Variants in KCTD14 observed in about 807,000 individuals in gnomAD.
KCTD14 encodes the protein potassium channel tetramerization domain containing 14, also known as BTB/POZ domain-containing protein KCTD14.
A neutral mutation model predicts 5.9 loss-of-function variants in KCTD14; 7 were observed. The ratio of observed to expected loss-of-function variants is 1.19; its 90% confidence interval spans 0.68 to 2.23. The LOEUF (loss-of-function observed/expected upper bound fraction) is 2.23. Ranked by LOEUF, KCTD14 falls within the 30% of genes most tolerant of loss-of-function variation. KCTD14 has a pLI of 0.00. For missense variants in KCTD14, 342 were observed against 332.2 expected (o/e 1.03, Z -0.23); for synonymous variants, 140 against 133.1 (o/e 1.05, Z -0.36).
chr11:78,036,543 A>G (rs1434076867), intron 2 of KCTD14, among the ~76,000 whole-genome samples: 1 of 152,234 alleles, frequency 6.6e-6, no homozygotes, highest in East Asian at 1.9e-4. Flanking sequence ...CAAAACCCAT[A>G]TACATCTGGC....
chr11:78,033,291 G>A lies in KCTD14; in HGVS notation c.-1+5373C>T, dbSNP rs562714993. On this transcript the variant is annotated intron_variant, in intron 2 of 2. Coordinates refer to the KCTD14 transcript ENST00000533144. ...GCAGCCTAAATGTCCATCATTTGGG[G>A]ACTGGTTAAATAAGAATATATCCAT... 7.2e-5 allele frequency among the ~76,000 whole-genome samples: 11 copies of A among 152,278 alleles called. No homozygotes were observed. In the South Asian group the frequency reaches 2.3e-3, roughly 32 times the overall value.
intron 1 of KCTD14, among the ~76,000 whole-genome samples, chr11:78,018,425 G>A (rs958926394): frequency 6.6e-6 from 1 of 151,970 alleles, no homozygotes; most frequent in Non-Finnish European, 1.5e-5. Context: ...TTTAAGTAAA[G>A]GCCGGGCATG....
chr11:78,027,359 C>A (rs1368290479), upstream of KCTD14, among the ~76,000 whole-genome samples: 1 of 136,950 alleles, frequency 7.3e-6, no homozygotes, highest in Non-Finnish European at 1.6e-5. Flanking sequence ...ATAGCAAGAC[C>A]CCATCCCTAT....
At position 78,016,975 on chromosome 11, in the gene KCTD14, A is replaced by G. The variant is rs1210080368; in HGVS notation, c.386T>C (p.Phe129Ser). The G allele has an allele frequency of 9.3e-6, 15 of 1,614,032 alleles. No individual in the cohort carries two copies. The East Asian group carries it at 3.3e-4, about 36-fold the overall frequency. Residue 129 changes from phenylalanine to serine, a missense_variant, in exon 2 of 2, where the codon TTT becomes TCT. Transcript: ENST00000353172. ...VKLLEDMPQI[F>S]GEQVSRKQFL... Reference sequence around the variant, plus strand: ...CTGCTTCCGAGACACCTGCTCACCAAAGATCTGTGGCATGTCCTCCAGCAG... The same window carrying G: ...CTGCTTCCGAGACACCTGCTCACCAGAGATCTGTGGCATGTCCTCCAGCAG...
At chr11:78,026,092 A>G (rs533332516), upstream of KCTD14, among the ~76,000 whole-genome samples, 1 of 152,210 alleles carries the variant, frequency 6.6e-6, no homozygotes, top group Non-Finnish European at 1.5e-5. Context: ...TCCTCAGGTC[A>G]TGTGCCCAAG....
At chr11:78,044,496 G>A (rs929502267) in intron 1 of KCTD14, among the ~76,000 whole-genome samples, 33 of 152,086 alleles carry the variant, frequency 2.2e-4, no homozygotes, top group African/African-American at 7.5e-4. Context: ...AGGTTCTTCC[G>A]CCCACTGCAC....
chr11:78,037,600 C>G (rs964042412), intron 2 of KCTD14, among the ~76,000 whole-genome samples: 1 of 152,174 alleles, frequency 6.6e-6, no homozygotes, highest in Non-Finnish European at 1.5e-5. Flanking sequence ...CCATGTTCCA[C>G]TTTAAAATCA....
intron 2 of KCTD14, among the ~76,000 whole-genome samples, chr11:78,031,571 A>G (rs1857617633): frequency 6.6e-6 from 1 of 150,556 alleles, no homozygotes; most frequent in African/African-American, 2.4e-5. Context: ...TTTTTTTAGT[A>G]GAGATGGGGT....
intron 2 of KCTD14, among the ~76,000 whole-genome samples, chr11:78,028,393 A>C (rs1857523465): frequency 6.6e-6 from 1 of 152,094 alleles, no homozygotes; most frequent in South Asian, 2.1e-4. Context: ...TCATGAGGTC[A>C]AGAGTTCAAT....
At chr11:78,022,524 T>C (rs1397766492) in intron 1 of KCTD14, among the ~76,000 whole-genome samples, 1 of 152,038 alleles carries the variant, frequency 6.6e-6, no homozygotes, top group African/African-American at 2.4e-5. Flanking sequence ...TGCTGCTGGA[T>C]CTGCTTTCTC....
upstream of KCTD14, among the ~76,000 whole-genome samples, chr11:78,025,104 GTGTGTGTGTGTGTGTATATATATA>G (rs1276965650): frequency 1.9e-4 from 12 of 64,758 alleles, no homozygotes; most frequent in African/African-American, 1.0e-3. Flanking sequence ...GTGTGTGTGT[GTGTGTGTGTGTGTGTATATATATA>G]TATATATATA....
chr11:78,030,373 A>G (rs531182852), intron 2 of KCTD14, among the ~76,000 whole-genome samples: 1 of 152,272 alleles, frequency 6.6e-6, no homozygotes, highest in South Asian at 2.1e-4. Context: ...GCAGGGCTCT[A>G]GTTTCGGCTC....
intron 1 of KCTD14, among the ~76,000 whole-genome samples, chr11:78,040,357 CT>C (rs1309088358): frequency 6.6e-6 from 1 of 152,028 alleles, no homozygotes; most frequent in African/African-American, 2.4e-5. Context: ...TTTCTTTCTT[CT>C]TTTTTTCCTT....
At chr11:78,046,085 C>T in exon 1 of KCTD14, 1 of 985,112 alleles carries the variant, frequency 1.0e-6, no homozygotes, top group Non-Finnish European at 1.2e-6. Flanking sequence ...GGGAGGACTC[C>T]GAGAAAAGCG....
chr11:78,021,539 C>T (rs1243645388), intron 1 of KCTD14, among the ~76,000 whole-genome samples: 1 of 151,948 alleles, frequency 6.6e-6, no homozygotes, highest in Non-Finnish European at 1.5e-5. Flanking sequence ...CTGCCTCAGC[C>T]TCCAGAGTGG....
chr11:78,033,419 C>T (rs1023852304), intron 2 of KCTD14, among the ~76,000 whole-genome samples: 1 of 152,096 alleles, frequency 6.6e-6, no homozygotes, highest in Non-Finnish European at 1.5e-5. Flanking sequence ...CGGTGGCTCA[C>T]GCCTGTAATC....
At chr11:78,026,446 AAAAAGAAAAG>A (rs141028052), upstream of KCTD14, among the ~76,000 whole-genome samples, 12 of 151,452 alleles carry the variant, frequency 7.9e-5, no homozygotes, top group South Asian at 2.1e-4. Flanking sequence ...CCATCTCAAA[AAAAAGAAAAG>A]AAAAGAAAAG....
upstream of KCTD14, among the ~76,000 whole-genome samples, chr11:78,025,130 ATATATATATATAT>A (rs1857430498): frequency 1.4e-5 from 1 of 70,092 alleles, no homozygotes; most frequent in Non-Finnish European, 2.6e-5. Context: ...ATATATATAT[ATATATATATATAT>A]ATATATATAT....
At chr11:78,027,664 C>A (rs898629668), upstream of KCTD14, among the ~76,000 whole-genome samples, 8 of 151,842 alleles carry the variant, frequency 5.3e-5, no homozygotes, top group African/African-American at 1.9e-4. Context: ...CCCAGTCAGA[C>A]CCTGTCTCTA....
Sources: gnomAD v4.1 joint callset for allele counts (sites outside exome capture counted in the v4.1 genomes callset) on GRCh38, gnomAD v4.1.1 for gene constraint, MANE v1.5 for transcripts, NCBI Gene and HGNC (gene_info 2026-07-23, HGNC 2026-07-21) for gene names.